Variants in ARHGAP22 observed in about 807,000 individuals in gnomAD.
ARHGAP22 encodes the protein Rho GTPase activating protein 22, also known as rho GTPase-activating protein 22.
A neutral mutation model predicts 59.1 loss-of-function variants in ARHGAP22; 48 were observed. The observed-to-expected ratio is 0.81, with a 90% confidence interval of 0.64 to 1.03. The LOEUF is 1.03. Ranked by LOEUF, ARHGAP22 falls within the 50% of genes least tolerant of loss-of-function variation. ARHGAP22 has a pLI of 0.00. For synonymous variants in ARHGAP22, 445 were observed against 416.4 expected (o/e 1.07, Z -0.84); for missense variants, 1,015 against 958.7 (o/e 1.06, Z -0.78).
upstream of ARHGAP22, among the ~76,000 whole-genome samples, chr10:48,608,752 G>C (rs754223796): frequency 6.6e-6 from 1 of 152,180 alleles, no homozygotes; most frequent in Non-Finnish European, 1.5e-5. Flanking sequence ...GAGTACCAAT[G>C]ACATAACTGA....
intron 2 of ARHGAP22, among the ~76,000 whole-genome samples, chr10:48,566,402 A>G (rs1473947119): frequency 6.6e-6 from 1 of 152,198 alleles, no homozygotes. Context: ...TTGCTTCCTT[A>G]TCACACAAGC....
chr10:48,548,948 C>T (rs1050362957), intron 3 of ARHGAP22, among the ~76,000 whole-genome samples: 11 of 152,194 alleles, frequency 7.2e-5, no homozygotes, highest in African/African-American at 2.4e-4. Context: ...GCAGTTCCAC[C>T]GCTCACCGGC....
chr10:48,562,231 AAAAAAAG>A (rs1564887062), intron 2 of ARHGAP22, among the ~76,000 whole-genome samples: 1 of 151,590 alleles, frequency 6.6e-6, no homozygotes, highest in Non-Finnish European at 1.5e-5. Context: ...ATCTCAAAAA[AAAAAAAG>A]AAAAAAGAGT....
chr10:48,441,060 A>T (rs2045187376), downstream of ARHGAP22, among the ~76,000 whole-genome samples: 1 of 152,218 alleles, frequency 6.6e-6, no homozygotes, highest in African/African-American at 2.4e-5. Context: ...GACAGAATGT[A>T]TGTCAGGTAT....
At chr10:48,537,907 C>G (rs976997288) in intron 3 of ARHGAP22, among the ~76,000 whole-genome samples, 14 of 152,208 alleles carry the variant, frequency 9.2e-5, no homozygotes, top group Non-Finnish European at 1.6e-4. Context: ...GGAGCTTGGT[C>G]TTCCGGCCCC....
At chr10:48,571,259 G>A (rs1334760221) in intron 2 of ARHGAP22, among the ~76,000 whole-genome samples, 3 of 152,184 alleles carry the variant, frequency 2.0e-5, no homozygotes, top group Non-Finnish European at 4.4e-5. Context: ...AGTGTGGAAT[G>A]GAGTGTAGAA....
downstream of ARHGAP22, among the ~76,000 whole-genome samples, chr10:48,441,353 CTT>C (rs947582392): frequency 1.3e-5 from 2 of 151,620 alleles, no homozygotes; most frequent in Non-Finnish European, 2.9e-5. Flanking sequence ...GGACTGAAAA[CTT>C]GGATGGAAAT....
At chr10:48,493,120 G>A (rs1209195635) in intron 3 of ARHGAP22, among the ~76,000 whole-genome samples, 4 of 152,138 alleles carry the variant, frequency 2.6e-5, no homozygotes, top group East Asian at 1.9e-4. Flanking sequence ...TGGGGCTGGC[G>A]GTGTATGTTG....
chr10:48,655,054 C>CTTTCTCCT (rs1309930149), upstream of ARHGAP22, among the ~76,000 whole-genome samples: 8 of 61,620 alleles, frequency 1.3e-4, no homozygotes, highest in African/African-American at 4.7e-4. Flanking sequence ...TTCTTTCTTT[C>CTTTCTCCT]TCCTTCCTTC....
intron 3 of ARHGAP22, among the ~76,000 whole-genome samples, chr10:48,538,133 G>T (rs147839518): frequency 2.6e-5 from 4 of 152,238 alleles, no homozygotes; most frequent in East Asian, 3.9e-4. Context: ...AGCTCTAAAG[G>T]CTTGAGGGAG....
chr10:48,558,016 A>C (rs2057416637), intron 2 of ARHGAP22, among the ~76,000 whole-genome samples: 1 of 152,218 alleles, frequency 6.6e-6, no homozygotes. Context: ...GTTAAAACAC[A>C]GAGAGTCTGG....
rs34557935 is a variant in ARHGAP22 at position 48,577,801 on chromosome 10, G to GTTTTTTTTTTTTTTTTTTTT, written c.234+5132_234+5151dup. 3.9e-4 allele frequency among the ~76,000 whole-genome samples: 23 copies of GTTTTTTTTTTTTTTTTTTTT among 59,162 alleles called. 4 individuals carry two copies. Among genetic ancestry groups the GTTTTTTTTTTTTTTTTTTTT allele is most frequent in the East Asian group, 3.2e-3 (4 of 1,246 alleles). The allele number at this position is 59,162 out of a possible 152,430, so 38.8% of individuals were successfully genotyped here. On this transcript the variant is annotated intron_variant, in intron 2 of 9. Coordinates refer to ENST00000249601, the MANE Select transcript of ARHGAP22 (RefSeq NM_021226.4). ...TCTGAGATCTAACTGCTCTTTTTTG[G>GTTTTTTTTTTTTTTTTTTTT]TTTTTTTTTTTTTTTTTTTTTTTTT...
intron 3 of ARHGAP22, among the ~76,000 whole-genome samples, chr10:48,521,364 C>T (rs967193089): frequency 1.3e-5 from 2 of 152,180 alleles, no homozygotes; most frequent in Non-Finnish European, 2.9e-5. Flanking sequence ...GTTTTAAAGG[C>T]GTGATGATGA....
intron 3 of ARHGAP22, among the ~76,000 whole-genome samples, chr10:48,526,203 C>T (rs551858892): frequency 2.9e-4 from 44 of 152,064 alleles, no homozygotes; most frequent in South Asian, 1.5e-3. Flanking sequence ...GCCCAAGGCA[C>T]GGAGCAGAAG....
intron 1 of ARHGAP22, among the ~76,000 whole-genome samples, chr10:48,588,661 C>T (rs749344181): frequency 3.9e-5 from 6 of 152,292 alleles, no homozygotes; most frequent in East Asian, 3.9e-4. Flanking sequence ...TCCATGCACA[C>T]GCAGGACCAT....
intron 4 of ARHGAP22, among the ~76,000 whole-genome samples, chr10:48,476,802 G>A (rs2048796168): frequency 6.6e-6 from 1 of 152,198 alleles, no homozygotes; most frequent in Admixed American, 6.5e-5. Flanking sequence ...ATGTGGCCGG[G>A]GAGCCAGGCC....
At chr10:48,652,399 A>G in exon 1 of ARHGAP22, 1 of 856,414 alleles carries the variant, frequency 1.2e-6, no homozygotes, top group Non-Finnish European at 1.8e-6. Context: ...ATCCACATCT[A>G]TAGAAAAGAA....
intron 4 of ARHGAP22, 35 bp from the exon 5 acceptor site, chr10:48,459,926 C>A: frequency 6.3e-7 from 1 of 1,594,538 alleles, no homozygotes; most frequent in South Asian, 1.1e-5. Flanking sequence ...CACCCTCCAC[C>A]ACCCAGCTCA....
At chr10:48,629,728 A>G (rs2061566448) in intron 1 of ARHGAP22, among the ~76,000 whole-genome samples, 1 of 152,244 alleles carries the variant, frequency 6.6e-6, no homozygotes, top group East Asian at 1.9e-4. Flanking sequence ...GCCAATACCT[A>G]TAAAATAGCT....
Sources: allele counts gnomAD v4.1 joint callset (sites outside exome capture counted in the v4.1 genomes callset), GRCh38; gene constraint gnomAD v4.1.1; transcripts MANE v1.5; gene names NCBI Gene and HGNC (gene_info 2026-07-23, HGNC 2026-07-21).